The following SH3BP5 variants were observed in gnomAD, a reference collection of about 807,000 sequenced individuals.
SH3BP5 encodes the protein SH3 domain-binding protein 5.
In SH3BP5, 22 loss-of-function variants were observed where a neutral mutation model predicts 43.3. That is an observed-to-expected ratio of 0.51 (90% CI 0.36 to 0.73). The LOEUF (loss-of-function observed/expected upper bound fraction) is 0.73, where lower values mean the gene tolerates loss of function less well. SH3BP5 is among the 30% of genes least tolerant of loss of function. SH3BP5 has a pLI of 0.00. For missense variants in SH3BP5, 529 were observed against 586.9 expected (o/e 0.90, Z 1.02); for synonymous variants, 255 against 225.8 (o/e 1.13, Z -1.16).
intron 3 of SH3BP5, among the ~76,000 whole-genome samples, chr3:15,283,258 T>A (rs990083495): frequency 6.6e-6 from 1 of 151,710 alleles, no homozygotes; most frequent in South Asian, 2.1e-4. Context: ...ATTAGCTGAG[T>A]GTGGTGGCAG....
chr3:15,332,125 C>T, intron 1 of SH3BP5, 146 bp downstream of exon 1: 1 of 1,260,848 alleles, frequency 7.9e-7, no homozygotes, highest in African/African-American at 1.5e-5. Context: ...TGAAACGGAG[C>T]ATACAGACCG....
chr3:15,301,762 T>A (rs1429798733), intron 3 of SH3BP5, among the ~76,000 whole-genome samples: 1 of 152,018 alleles, frequency 6.6e-6, no homozygotes, highest in Non-Finnish European at 1.5e-5. Flanking sequence ...ACGTTTCACA[T>A]CAGCACAGCC....
Position 15,269,834 on chromosome 3 carries a change from G to A in SH3BP5, c.374C>T (p.Ala125Val). ...AQKATQDFQR[A>V]TEVLRAAKET... ...CTTGGCGGCACGGAGCACCTCTGTGGCCCTCTGGAAGTCCTGCGTGGCTTT... is the reference window on the plus strand; with the variant it reads ...CTTGGCGGCACGGAGCACCTCTGTGACCCTCTGGAAGTCCTGCGTGGCTTT... The change falls in exon 4 of 9, where the codon GCC (alanine) becomes GTC (valine). Residue 125 changes from alanine (A) to valine (V), a missense_variant. By Grantham distance (64) the Ala-to-Val change is moderately conservative. Coordinates refer to ENST00000383791, the MANE Select transcript of SH3BP5 (RefSeq NM_004844.5). 6.3e-7 allele frequency: 1 copy of A among 1,593,656 alleles called. No homozygotes were observed. Among genetic ancestry groups the A allele is most frequent in the Non-Finnish European group, 8.6e-7 (1 of 1,166,960 alleles).
intron 5 of SH3BP5, among the ~76,000 whole-genome samples, chr3:15,261,041 G>T (rs947149599): frequency 6.6e-6 from 1 of 152,210 alleles, no homozygotes; most frequent in Non-Finnish European, 1.5e-5. Context: ...GCCTCCTTGG[G>T]TGTTGGCATG....
chr3:15,288,154 C>T (rs1697315570), intron 3 of SH3BP5, among the ~76,000 whole-genome samples: 1 of 152,222 alleles, frequency 6.6e-6, no homozygotes, highest in Non-Finnish European at 1.5e-5. Context: ...GGAGGTCCCT[C>T]TTTTGCTCTA....
intron 2 of SH3BP5, among the ~76,000 whole-genome samples, chr3:15,316,131 C>T (rs538454357): frequency 3.3e-5 from 5 of 152,048 alleles, no homozygotes; most frequent in East Asian, 3.9e-4. Context: ...CACTCTTTCA[C>T]CTGGAACTTT....
chr3:15,323,449 C>T (rs1045347216), intron 2 of SH3BP5, among the ~76,000 whole-genome samples: 1 of 152,190 alleles, frequency 6.6e-6, no homozygotes, highest in African/African-American at 2.4e-5. Context: ...TCTCAGCCCT[C>T]CCTGCCAGCC....
chr3:15,310,795 A>T (rs1698035728), intron 2 of SH3BP5, among the ~76,000 whole-genome samples: 1 of 152,190 alleles, frequency 6.6e-6, no homozygotes, highest in Non-Finnish European at 1.5e-5. Context: ...GACTGAAGGT[A>T]ATTTATTCAA....
At position 15,255,483 on chromosome 3, in the gene SH3BP5, A is replaced by G. The variant is rs1017288319; in HGVS notation, c.*603T>C. 5 of 152,664 alleles carry G rather than the reference A, an allele frequency of 3.3e-5. No individual in the cohort carries two copies. The highest frequency in any genetic ancestry group is 9.6e-5 in the African/African-American group (4 of 41,518). 9.5% of individuals were successfully genotyped at this position (152,664 alleles called of 1,614,324 possible). A position where few individuals can be genotyped will look rare whatever the true frequency, so the allele number is the denominator to read the frequency against. ...AAAGTGCAGCTCATGGTAGCCTTCT[A>G]GAAAATGGTTTTAATGGGTATCCCA... On this transcript the variant is annotated 3_prime_UTR_variant, in exon 9 of 9. Transcript: ENST00000383791.
intron 3 of SH3BP5, among the ~76,000 whole-genome samples, chr3:15,272,064 G>C (rs978534840): frequency 1.1e-4 from 17 of 152,154 alleles, no homozygotes; most frequent in Non-Finnish European, 2.4e-4. Flanking sequence ...GAACTACAGG[G>C]ACCCCACCCT....
chr3:15,276,597 G>A (rs1050984380), intron 3 of SH3BP5, among the ~76,000 whole-genome samples: 3 of 152,250 alleles, frequency 2.0e-5, no homozygotes, highest in African/African-American at 4.8e-5. Context: ...TGCGGCTCCC[G>A]TCCTGAAGCC....
chr3:15,304,915 T>C (rs1697858013), intron 2 of SH3BP5, among the ~76,000 whole-genome samples: 1 of 150,654 alleles, frequency 6.6e-6, no homozygotes, highest in Non-Finnish European at 1.5e-5. Flanking sequence ...GGGGGAGATA[T>C]CGGTAGGATG....
chr3:15,264,627 A>T (rs1369347971), intron 4 of SH3BP5: 2 of 152,196 alleles, frequency 1.3e-5, no homozygotes, highest in Non-Finnish European at 2.9e-5. Flanking sequence ...GAACTGAGCT[A>T]AGCTGGCACG....
chr3:15,284,347 G>A (rs1202631778), intron 3 of SH3BP5, among the ~76,000 whole-genome samples: 1 of 152,178 alleles, frequency 6.6e-6, no homozygotes, highest in Non-Finnish European at 1.5e-5. Context: ...CTCTGCACAT[G>A]TATCCAGCAT....
At chr3:15,289,243 C>CA (rs1697344237) in intron 3 of SH3BP5, among the ~76,000 whole-genome samples, 1 of 152,200 alleles carries the variant, frequency 6.6e-6, no homozygotes, top group Admixed American at 6.5e-5. Context: ...TAAAAGACTC[C>CA]AAGTCAAGCC....
chr3:15,256,842 CT>C lies in SH3BP5; in HGVS notation c.1150+10del. 6.3e-7 allele frequency: 1 copy of C among 1,599,626 alleles called. No individual in the cohort carries two copies. The highest frequency in any genetic ancestry group is 8.5e-7 in the Non-Finnish European group (1 of 1,169,830). ...TGGCATCTGGGACGGGGTGAGAAGG[CT>C]GCTACTCACCTCGTTCTACTTCACA... On this transcript the variant is annotated intron_variant, in intron 8 of 8. Transcript: ENST00000383791.
chr3:15,261,962 C>A (rs1005630215), intron 5 of SH3BP5, among the ~76,000 whole-genome samples, 197 bp downstream of exon 5: 3 of 152,288 alleles, frequency 2.0e-5, no homozygotes, highest in Admixed American at 6.5e-5. Flanking sequence ...GCAGCCCACC[C>A]CTTAGCATCC....
intron 3 of SH3BP5, among the ~76,000 whole-genome samples, chr3:15,294,396 AAG>A (rs1354296456): frequency 2.6e-5 from 4 of 151,330 alleles, no homozygotes; most frequent in African/African-American, 9.7e-5. Flanking sequence ...CTGGTATACA[AAG>A]AGTGTTGAAA....
intron 1 of SH3BP5, among the ~76,000 whole-genome samples, chr3:15,331,337 G>A (rs1340515018): frequency 6.6e-6 from 1 of 152,034 alleles, no homozygotes; most frequent in Non-Finnish European, 1.5e-5. Flanking sequence ...CAACCACTGA[G>A]TTAAGTGAGC....
Sources: gnomAD v4.1 joint callset for allele counts (sites outside exome capture counted in the v4.1 genomes callset) on GRCh38, gnomAD v4.1.1 for gene constraint, MANE v1.5 for transcripts, NCBI Gene and HGNC (gene_info 2026-07-23, HGNC 2026-07-21) for gene names.